NEK7: variants seen among roughly 807,000 people sequenced by gnomAD.
The protein encoded by NEK7 is serine/threonine-protein kinase Nek7.
A neutral mutation model predicts 44.6 loss-of-function variants in NEK7; 18 were observed. The observed-to-expected ratio is 0.40, with a 90% CI of 0.28 to 0.60. The LOEUF is 0.60. NEK7 is among the 20% of genes least tolerant of loss of function. The pLI is 0.38. For synonymous variants in NEK7, 130 were observed against 121.1 expected (o/e 1.07, Z -0.48); for missense variants, 256 against 366.5 (o/e 0.70, Z 2.46).
chr1:198,301,050 TATCTC>T (rs1280371232), intron 9 of NEK7, among the ~76,000 whole-genome samples: 3 of 152,224 alleles, frequency 2.0e-5, no homozygotes, highest in South Asian at 2.1e-4. Context: ...TTCACAAACT[TATCTC>T]ATGAAACTCT....
intron 5 of NEK7, among the ~76,000 whole-genome samples, chr1:198,277,044 CAGTT>C (rs1362186434): frequency 6.6e-6 from 1 of 151,528 alleles, no homozygotes. Context: ...TATTTTAAAA[CAGTT>C]AAAATTATTA....
intron 3 of NEK7, among the ~76,000 whole-genome samples, chr1:198,255,871 A>G (rs935781111): frequency 6.6e-6 from 1 of 152,156 alleles, no homozygotes; most frequent in African/African-American, 2.4e-5. Flanking sequence ...CATTTTAGAC[A>G]TATTGATTCT....
intron 1 of NEK7, among the ~76,000 whole-genome samples, chr1:198,167,950 A>T (rs1050183866): frequency 3.3e-5 from 5 of 152,182 alleles, no homozygotes; most frequent in African/African-American, 1.2e-4. Flanking sequence ...TTTGCATTCA[A>T]GTGTTGCTCT....
intron 1 of NEK7, among the ~76,000 whole-genome samples, chr1:198,230,352 T>G (rs930379345): frequency 1.3e-5 from 2 of 152,102 alleles, no homozygotes; most frequent in Admixed American, 6.5e-5. Flanking sequence ...GTGGGGTTCA[T>G]CCCACAAATG....
chr1:198,294,033 A>G (rs1654637099), intron 8 of NEK7, among the ~76,000 whole-genome samples: 1 of 151,942 alleles, frequency 6.6e-6, no homozygotes. Context: ...GAAGTAGAGC[A>G]TTAGGAGGTG....
intron 3 of NEK7, among the ~76,000 whole-genome samples, chr1:198,258,511 GTCTT>G (rs1322705993): frequency 6.6e-6 from 1 of 152,118 alleles, no homozygotes; most frequent in African/African-American, 2.4e-5. Flanking sequence ...ATTTTAAATG[GTCTT>G]TCTTCTAACA....
Position 198,262,645 on chromosome 1 carries a change from A to G in NEK7, c.261+8A>G. On this transcript the variant is annotated splice_region_variant and intron_variant, in intron 4 of 9. Coordinates refer to ENST00000367385, the MANE Select transcript of NEK7 (RefSeq NM_133494.3). The stretch of plus-strand genomic sequence containing the variant: ...GAAATAGATCTTCTTAAGGTAATTA[A>G]TGAACTGTTGACTCTTTTGAACATA... 1 of 1,532,160 alleles carries G rather than the reference A, an allele frequency of 6.5e-7. No individual in the cohort carries two copies. Among genetic ancestry groups the G allele is most frequent in the Non-Finnish European group, 9.0e-7 (1 of 1,114,148 alleles). 94.9% of individuals were successfully genotyped at this position (1,532,160 alleles called of 1,614,324 possible).
At chr1:198,317,032 G>A (rs746532902) in intron 9 of NEK7, among the ~76,000 whole-genome samples, 9 of 152,250 alleles carry the variant, frequency 5.9e-5, no homozygotes, top group South Asian at 2.1e-4. Flanking sequence ...TTTTAATTTC[G>A]TAGGTTTTCT....
intron 1 of NEK7, among the ~76,000 whole-genome samples, chr1:198,186,933 C>CA (rs1664942582): frequency 6.6e-6 from 1 of 152,140 alleles, no homozygotes; most frequent in South Asian, 2.1e-4. Context: ...TCCATCTGAG[C>CA]AGTGGTATTA....
chr1:198,271,316 A>G (rs890123193), intron 5 of NEK7, among the ~76,000 whole-genome samples: 2 of 152,038 alleles, frequency 1.3e-5, no homozygotes, highest in African/African-American at 4.8e-5. Context: ...ACTCACATTC[A>G]AGAGAATGGG....
chr1:198,287,920 A>G (rs1250510399), intron 7 of NEK7, among the ~76,000 whole-genome samples: 4 of 152,356 alleles, frequency 2.6e-5, no homozygotes, highest in African/African-American at 4.8e-5. Flanking sequence ...ATGCATGGCC[A>G]TCATTCAAGC....
rs577670977 is a variant in NEK7, at chr1:198,314,653, A to G, written c.799-4759A>G. 4.6e-5 allele frequency among the ~76,000 whole-genome samples: 7 copies of G among 152,230 alleles called. No individual in the cohort carries two copies. In the East Asian group the frequency reaches 1.4e-3, roughly 30 times the overall value. On this transcript the variant is annotated intron_variant, in intron 9 of 9. Transcript: ENST00000367385. Reference sequence around the variant, plus strand: ...TGTTTGTTAGTTTTCCTTCTAACAGACAGGACCCTCAGCTGCAAGTCTGTT... The same window carrying G: ...TGTTTGTTAGTTTTCCTTCTAACAGGCAGGACCCTCAGCTGCAAGTCTGTT...
chr1:198,208,782 A>T (rs905299542), intron 1 of NEK7, among the ~76,000 whole-genome samples: 2 of 151,966 alleles, frequency 1.3e-5, no homozygotes, highest in Admixed American at 6.6e-5. Context: ...AATCATGGGG[A>T]TGTTCATTGT....
intron 1 of NEK7, among the ~76,000 whole-genome samples, chr1:198,168,033 T>G (rs1664322078): frequency 6.6e-6 from 1 of 152,210 alleles, no homozygotes; most frequent in Non-Finnish European, 1.5e-5. Context: ...TTAAAAAAAT[T>G]TGGAGTTTAT....
chr1:198,302,010 A>G (rs1430161282), intron 9 of NEK7, among the ~76,000 whole-genome samples: 1 of 152,224 alleles, frequency 6.6e-6, no homozygotes. Flanking sequence ...TTTTAGGTGA[A>G]GAAACCAACA....
At chr1:198,280,590 C>T (rs1654163757) in intron 7 of NEK7, among the ~76,000 whole-genome samples, 1 of 151,740 alleles carries the variant, frequency 6.6e-6, no homozygotes, top group South Asian at 2.1e-4. Context: ...ATATATGCAT[C>T]TCCAAATTGA....
intron 3 of NEK7, among the ~76,000 whole-genome samples, chr1:198,262,210 C>T (rs937136929): frequency 2.0e-5 from 3 of 151,904 alleles, no homozygotes; most frequent in Non-Finnish European, 2.9e-5. Context: ...AATGGGAATA[C>T]TACTATTATC....
At chr1:198,186,210 G>T (rs1246176040) in intron 1 of NEK7, among the ~76,000 whole-genome samples, 1 of 152,142 alleles carries the variant, frequency 6.6e-6, no homozygotes, top group Non-Finnish European at 1.5e-5. Flanking sequence ...AAATATTTCT[G>T]CTTACTTATT....
chr1:198,181,617 C>T (rs1664769328), intron 1 of NEK7, among the ~76,000 whole-genome samples: 1 of 151,960 alleles, frequency 6.6e-6, no homozygotes, highest in Non-Finnish European at 1.5e-5. Context: ...GTGCTTTTCC[C>T]CCCATGTTAT....
Sources: gnomAD v4.1 joint callset for allele counts (sites outside exome capture counted in the v4.1 genomes callset) on GRCh38, gnomAD v4.1.1 for gene constraint, MANE v1.5 for transcripts, NCBI Gene and HGNC (gene_info 2026-07-23, HGNC 2026-07-21) for gene names.